Variants in FER observed in about 807,000 individuals in gnomAD.
FER encodes tyrosine-protein kinase Fer.
A neutral mutation model predicts 111.0 loss-of-function variants in FER; 63 were observed. That is an observed-to-expected ratio of 0.57 (90% CI 0.46 to 0.70). The LOEUF (loss-of-function observed/expected upper bound fraction) is 0.70, where lower values mean the gene tolerates loss of function less well. Ranked by LOEUF, FER falls within the 30% of genes least tolerant of loss-of-function variation. FER has a pLI of 0.00. For missense variants in FER, 914 were observed against 954.0 expected (o/e 0.96, Z 0.55); for synonymous variants, 327 against 313.9 (o/e 1.04, Z -0.44).
intron 10 of FER, among the ~76,000 whole-genome samples, chr5:108,929,692 A>T (rs1754294143): frequency 6.6e-6 from 1 of 152,172 alleles, no homozygotes. Context: ...TGAAGGGAGT[A>T]GTAACAGAAT....
At chr5:109,035,309 A>C (rs1229102902) in intron 13 of FER, among the ~76,000 whole-genome samples, 2 of 151,926 alleles carry the variant, frequency 1.3e-5, no homozygotes, top group South Asian at 2.1e-4. Flanking sequence ...GTCTTTCTCA[A>C]CTCCTACCCC....
intron 9 of FER, among the ~76,000 whole-genome samples, chr5:108,895,334 G>A (rs1413249487): frequency 6.6e-6 from 1 of 152,078 alleles, no homozygotes; most frequent in African/African-American, 2.4e-5. Context: ...GTAGCAAATT[G>A]CCACGAGTAC....
chr5:109,078,444 T>C (rs1336336123), intron 16 of FER, among the ~76,000 whole-genome samples: 1 of 152,210 alleles, frequency 6.6e-6, no homozygotes, highest in Non-Finnish European at 1.5e-5. Flanking sequence ...GTCATAAAAC[T>C]AGGAGACATT....
intron 9 of FER, among the ~76,000 whole-genome samples, chr5:108,884,551 G>A (rs778731182): frequency 5.8e-5 from 8 of 138,428 alleles, no homozygotes; most frequent in South Asian, 2.2e-4. Flanking sequence ...GTATTTTCTC[G>A]TCTCTACTTT....
At chr5:109,022,611 A>G (rs900454776) in intron 13 of FER, among the ~76,000 whole-genome samples, 10 of 152,248 alleles carry the variant, frequency 6.6e-5, no homozygotes, top group Non-Finnish European at 1.2e-4. Flanking sequence ...ACAAAGGCTA[A>G]TGACATAATA....
rs983686832 is a variant in FER, at chr5:108,851,470, C to T, written c.481+15663C>T. Among the ~76,000 whole-genome samples, 3 of 152,102 alleles carry T rather than the reference C, an allele frequency of 2.0e-5. No individual in the cohort carries two copies. In the East Asian group the frequency reaches 5.8e-4, roughly 29 times the overall value. ...ATTCAACATGAGATTTGGGTGGGGA[C>T]AAAGCCAAACCATATCAGTCATCTT... is the stretch of plus-strand genomic sequence containing the variant. On this transcript the variant is annotated intron_variant, in intron 5 of 19. Transcript: ENST00000281092.
chr5:108,761,017 G>A (rs1207568455), intron 1 of FER, among the ~76,000 whole-genome samples: 1 of 151,538 alleles, frequency 6.6e-6, no homozygotes, highest in Non-Finnish European at 1.5e-5. Context: ...TGCAACTTCC[G>A]CCTCCTGGGT....
At chr5:108,893,743 A>T (rs1470668964) in intron 9 of FER, among the ~76,000 whole-genome samples, 2 of 152,126 alleles carry the variant, frequency 1.3e-5, no homozygotes, top group Middle Eastern at 6.3e-3. Context: ...AGCAAAAGGA[A>T]AGGAAAAAAA....
intron 10 of FER, among the ~76,000 whole-genome samples, chr5:108,944,082 C>T (rs1262196020): frequency 1.3e-5 from 2 of 150,860 alleles, no homozygotes; most frequent in Admixed American, 6.6e-5. Flanking sequence ...TATTATGAAC[C>T]AGTCTCTTAG....
rs752251859 is a variant in FER at position 109,187,603 on chromosome 5, C to A, written c.*28C>A. ...ACAGGATGGCGCCAAACTCAGCCTT[C>A]AGGACTCTGTCCTCCAGCAGAGTAA... is the stretch of plus-strand genomic sequence containing the variant. On this transcript the variant is annotated 3_prime_UTR_variant, in exon 20 of 20. Transcript: ENST00000281092. The A allele has an allele frequency of 6.2e-7, 1 of 1,613,272 alleles. No homozygotes were observed. The highest frequency in any genetic ancestry group is 1.1e-5 in the South Asian group (1 of 90,960).
chr5:108,798,815 C>A (rs1186706817), intron 3 of FER, among the ~76,000 whole-genome samples: 1 of 152,114 alleles, frequency 6.6e-6, no homozygotes, highest in Non-Finnish European at 1.5e-5. Context: ...CAGAGTGAGA[C>A]CCTGTCTCAA....
At chr5:108,881,623 C>T (rs1765685051) in intron 8 of FER, among the ~76,000 whole-genome samples, 1 of 152,032 alleles carries the variant, frequency 6.6e-6, no homozygotes, top group Non-Finnish European at 1.5e-5. Flanking sequence ...GCTGGGAAGC[C>T]CAAGATCAAG....
chr5:108,781,704 C>T (rs1281789879), intron 2 of FER, among the ~76,000 whole-genome samples: 1 of 152,116 alleles, frequency 6.6e-6, no homozygotes, highest in African/African-American at 2.4e-5. Context: ...TGTTTGTTAG[C>T]ACTATCCCCG....
chr5:108,808,842 C>G (rs973972454), intron 3 of FER, among the ~76,000 whole-genome samples: 2 of 152,130 alleles, frequency 1.3e-5, no homozygotes, highest in Non-Finnish European at 2.9e-5. Flanking sequence ...CCTTCACTTA[C>G]GATGCTTAGT....
At chr5:108,980,813 A>T (rs1761941239) in intron 13 of FER, among the ~76,000 whole-genome samples, 1 of 152,152 alleles carries the variant, frequency 6.6e-6, no homozygotes, top group African/African-American at 2.4e-5. Context: ...CCTATTACTG[A>T]ATTATTTGAA....
At chr5:109,181,311 A>T (rs1421855572) in intron 18 of FER, among the ~76,000 whole-genome samples, 3 of 152,198 alleles carry the variant, frequency 2.0e-5, no homozygotes, top group Admixed American at 6.5e-5. Context: ...CTCACTCTGA[A>T]ATCGACATGG....
chr5:109,146,253 A>AATATATATATATTATCTATCT (rs1754140325), intron 17 of FER, among the ~76,000 whole-genome samples: 3 of 42,130 alleles, frequency 7.1e-5, no homozygotes, highest in African/African-American at 2.7e-4. Context: ...TAATCTATCT[A>AATATATATATATTATCTATCT]ATATATATAT....
At chr5:108,789,159 T>C (rs1254570984) in intron 2 of FER, among the ~76,000 whole-genome samples, 1 of 152,248 alleles carries the variant, frequency 6.6e-6, no homozygotes, top group Non-Finnish European at 1.5e-5. Flanking sequence ...CTTGTGCAGC[T>C]AGTACCAACA....
intron 2 of FER, among the ~76,000 whole-genome samples, chr5:108,787,860 T>G: frequency 6.6e-6 from 1 of 152,226 alleles, no homozygotes; most frequent in East Asian, 1.9e-4. Flanking sequence ...TGAGAGCCAT[T>G]CTGTCGCTCA....
Sources: gnomAD v4.1 joint callset for allele counts (sites outside exome capture counted in the v4.1 genomes callset) on GRCh38, gnomAD v4.1.1 for gene constraint, MANE v1.5 for transcripts, NCBI Gene and HGNC (gene_info 2026-07-23, HGNC 2026-07-21) for gene names.